The following FARS2 variants were observed in gnomAD, a reference collection of about 807,000 sequenced individuals.
FARS2 encodes phenylalanine--tRNA ligase, mitochondrial.
FARS2 carries 40 observed loss-of-function variants against 46.4 expected under a neutral mutation model. That is an observed-to-expected ratio of 0.86 (90% CI 0.67 to 1.12). The LOEUF (loss-of-function observed/expected upper bound fraction) is 1.12, where lower values mean the gene tolerates loss of function less well. Among genes scored for constraint, FARS2 ranks in the 50% most tolerant of loss-of-function variants. The pLI, the probability that FARS2 is intolerant of heterozygous loss-of-function variation, is 0.00. For missense variants in FARS2, 513 were observed against 567.9 expected, an observed-to-expected ratio of 0.90 and a Z score of 0.98; for synonymous variants, 234 against 214.9, an observed-to-expected ratio of 1.09 and a Z score of -0.78.
intron 6 of FARS2, among the ~76,000 whole-genome samples, chr6:5,728,177 G>T (rs1760386963): frequency 1.3e-5 from 2 of 152,194 alleles, no homozygotes; most frequent in Admixed American, 1.3e-4. Flanking sequence ...CACAGGGATA[G>T]TTTCCTGAGA....
chr6:5,475,360 T>C (rs556783809), intron 4 of FARS2, among the ~76,000 whole-genome samples: 4 of 152,330 alleles, frequency 2.6e-5, no homozygotes, highest in African/African-American at 4.8e-5. Context: ...GATTTGAATG[T>C]ATGATGTAGA....
intron 1 of FARS2, among the ~76,000 whole-genome samples, chr6:5,263,531 T>A (rs372790935): frequency 6.6e-6 from 1 of 152,156 alleles, no homozygotes; most frequent in African/African-American, 2.4e-5. Context: ...TTAAAAAAAA[T>A]AACTCGATTT....
intron 4 of FARS2, among the ~76,000 whole-genome samples, chr6:5,514,801 G>C (rs764446863): frequency 1.3e-5 from 2 of 150,532 alleles, no homozygotes; most frequent in African/African-American, 2.5e-5. Context: ...GAGTCTCACT[G>C]TGTTGCCTAG....
chr6:5,459,378 A>AT (rs10686556), intron 4 of FARS2, among the ~76,000 whole-genome samples: 26,139 of 150,538 alleles, frequency 0.17, 2,886 homozygotes, highest in African/African-American at 0.31. Context: ...GCAATTTATG[A>AT]TTTTTTTTTT....
chr6:5,713,786 C>A (rs1759325181), intron 6 of FARS2, among the ~76,000 whole-genome samples: 1 of 152,156 alleles, frequency 6.6e-6, no homozygotes, highest in Non-Finnish European at 1.5e-5. Context: ...GAGCAGGAGC[C>A]CCAGGATGAT....
chr6:5,387,084 G>C (rs1371151254), intron 2 of FARS2, among the ~76,000 whole-genome samples: 2 of 152,222 alleles, frequency 1.3e-5, no homozygotes, highest in Non-Finnish European at 2.9e-5. Flanking sequence ...ATTTGTGAGA[G>C]GGGATAGTTG....
intron 6 of FARS2, among the ~76,000 whole-genome samples, chr6:5,679,458 C>T (rs867046620): frequency 6.9e-4 from 105 of 152,264 alleles, no homozygotes; most frequent in African/African-American, 2.2e-3. Flanking sequence ...TATTTATGTC[C>T]TCCTGCCTCC....
chr6:5,722,378 T>G (rs570567925), intron 6 of FARS2, among the ~76,000 whole-genome samples: 1 of 152,172 alleles, frequency 6.6e-6, no homozygotes, highest in Non-Finnish European at 1.5e-5. Context: ...ACGTTTTTCT[T>G]GTAAAGGGGG....
chr6:5,330,218 C>G (rs554908809), intron 1 of FARS2, among the ~76,000 whole-genome samples: 3 of 152,134 alleles, frequency 2.0e-5, no homozygotes, highest in Admixed American at 6.6e-5. Flanking sequence ...TGATGGGAAC[C>G]TGGGACAGTC....
chr6:5,500,945 A>T (rs1276192265), intron 4 of FARS2, among the ~76,000 whole-genome samples: 6 of 69,316 alleles, frequency 8.7e-5, no homozygotes, highest in Admixed American at 2.7e-4. Flanking sequence ...AGAGAGAGAG[A>T]GAGAGAGAGA....
At chr6:5,418,419 G>A (rs751998679) in intron 3 of FARS2, among the ~76,000 whole-genome samples, 2 of 152,134 alleles carry the variant, frequency 1.3e-5, no homozygotes, top group Non-Finnish European at 1.5e-5. Flanking sequence ...ATAGAGTTTC[G>A]TCTGGGGATA....
At chr6:5,545,782 C>A (rs184959145) in intron 5 of FARS2, among the ~76,000 whole-genome samples, 48 of 152,240 alleles carry the variant, frequency 3.2e-4, no homozygotes, top group African/African-American at 1.1e-3. Context: ...CTGCAAAGGA[C>A]GTGAACTCAT....
chr6:5,259,795 A>G (rs1481057914), upstream of FARS2, among the ~76,000 whole-genome samples: 1 of 151,790 alleles, frequency 6.6e-6, no homozygotes, highest in Non-Finnish European at 1.5e-5. Flanking sequence ...ACAGGTAGTT[A>G]GTAAAAACAA....
intron 1 of FARS2, among the ~76,000 whole-genome samples, chr6:5,269,414 C>A (rs1217777214): frequency 7.1e-6 from 1 of 140,196 alleles, no homozygotes; most frequent in Non-Finnish European, 1.5e-5. Flanking sequence ...ACATATGTAA[C>A]AAACCTGCAC....
intron 1 of FARS2, among the ~76,000 whole-genome samples, chr6:5,295,972 C>T (rs1469516071): frequency 1.3e-5 from 2 of 151,990 alleles, no homozygotes; most frequent in Non-Finnish European, 2.9e-5. Flanking sequence ...AGCAGTGATA[C>T]CATGGAGGGC....
intron 6 of FARS2, among the ~76,000 whole-genome samples, chr6:5,742,453 A>T (rs766709510): frequency 5.3e-5 from 8 of 152,050 alleles, no homozygotes; most frequent in Non-Finnish European, 1.0e-4. Context: ...TTTATTAGGC[A>T]CTCAGTATTT....
chr6:5,398,974 G>A (rs964148413), intron 2 of FARS2, among the ~76,000 whole-genome samples: 1 of 151,826 alleles, frequency 6.6e-6, no homozygotes, highest in Admixed American at 6.6e-5. Context: ...ATCTTATTTA[G>A]TTAAAATACT....
At position 5,311,771 on chromosome 6, in the gene FARS2, G is replaced by A. The variant is rs77665069; in HGVS notation, c.-22+50111G>A. 5.9e-5 allele frequency among the ~76,000 whole-genome samples: 9 copies of A among 152,110 alleles called. No homozygotes were observed. The highest frequency in any genetic ancestry group is 5.2e-4 in the Admixed American group (8 of 15,254). On this transcript the variant is annotated intron_variant, in intron 1 of 6. Coordinates refer to ENST00000274680, the MANE Select transcript of FARS2 (RefSeq NM_006567.5). The surrounding 1 kb of genome is among the most constrained non-coding windows in gnomAD (Gnocchi z 4.1). ...AGTGAGAACGTAATGGTTTGTACTTGTTGGGAAGAAGCAGCTCATGTTTGG... is the reference window on the plus strand; with the variant it reads ...AGTGAGAACGTAATGGTTTGTACTTATTGGGAAGAAGCAGCTCATGTTTGG...
intron 4 of FARS2, among the ~76,000 whole-genome samples, chr6:5,523,188 G>A (rs1444675493): frequency 6.6e-6 from 1 of 152,116 alleles, no homozygotes; most frequent in Non-Finnish European, 1.5e-5. Flanking sequence ...TCATTTTCAT[G>A]ACCAGTCCAG....
Sources: gnomAD v4.1 joint callset for allele counts (sites outside exome capture counted in the v4.1 genomes callset) on GRCh38, gnomAD v4.1.1 for gene constraint, Gnocchi (gnomAD v3.1) non-coding constraint, MANE v1.5 for transcripts, NCBI Gene and HGNC (gene_info 2026-07-23, HGNC 2026-07-21) for gene names.